ASH2L: variants seen among roughly 807,000 people sequenced by gnomAD.
ASH2L encodes the protein set1/Ash2 histone methyltransferase complex subunit ASH2.
ASH2L carries 30 observed loss-of-function variants against 81.1 expected under a neutral mutation model. That is an observed-to-expected ratio of 0.37 (90% CI 0.28 to 0.50). ASH2L has a LOEUF of 0.50. ASH2L is among the 20% of genes least tolerant of loss of function. The probability of loss-of-function intolerance (pLI) is 0.95; values close to 1 mark genes in which losing one functional copy is unlikely to be tolerated. For missense variants in ASH2L, 559 were observed against 792.1 expected (o/e 0.71, Z 3.53); for synonymous variants, 273 against 279.9 (o/e 0.98, Z 0.24).
Position 38,128,839 on chromosome 8 carries a change from T to C in ASH2L, c.1415T>C (p.Ile472Thr), listed in dbSNP as rs200471019. The C allele has an allele frequency of 6.2e-6, 10 of 1,614,200 alleles. No homozygotes were observed. Among genetic ancestry groups the C allele is most frequent in the Middle Eastern group, 1.6e-4 (1 of 6,062 alleles). The change falls in exon 12 of 16, where the codon ATT becomes ACT. Residue 472 changes from isoleucine to threonine, a missense_variant. Coordinates refer to ENST00000343823, the MANE Select transcript of ASH2L (RefSeq NM_004674.5). ...SKKGTKFHQS[I>T]GKHYSSGYGQ... ...AAGGGAACCAAGTTCCACCAGTCCA[T>C]TGGCAAACACTACTCTTCTGGCTAT...
At chr8:38,112,040 T>A (rs1810703701) in intron 5 of ASH2L, among the ~76,000 whole-genome samples, 1 of 152,188 alleles carries the variant, frequency 6.6e-6, no homozygotes, top group Non-Finnish European at 1.5e-5. Context: ...TGGGTTTTGC[T>A]CTATTACCCA....
chr8:38,109,383 C>T (rs1205507920), intron 3 of ASH2L, among the ~76,000 whole-genome samples: 1 of 151,774 alleles, frequency 6.6e-6, no homozygotes, highest in Non-Finnish European at 1.5e-5. Flanking sequence ...TAAATGCAGT[C>T]TTCTCTGAGG....
rs761478738 is a variant in ASH2L, at chr8:38,106,176, T to A, written c.189-202T>A. 3.9e-6 allele frequency: 6 copies of A among 1,526,742 alleles called. No homozygotes were observed. The Admixed American group carries it at 5.9e-5, about 15-fold the overall frequency. The allele number at this position is 1,526,742 out of a possible 1,614,324, so 94.6% of individuals were successfully genotyped here. ...TGTAAAGGCCGGTTAGGCTTCCCTG[T>A]GCTCCGTGGGTCCGCGACTGTCTGA... On this transcript the variant is annotated intron_variant, in intron 1 of 15. Coordinates refer to ENST00000343823, the MANE Select transcript of ASH2L (RefSeq NM_004674.5).
chr8:38,114,818 T>C, intron 6 of ASH2L, 87 bp from the exon 7 acceptor site: 1 of 852,492 alleles, frequency 1.2e-6, no homozygotes, highest in Non-Finnish European at 1.9e-6. Context: ...CACCTAGGAA[T>C]TGACTTTTAG....
intron 14 of ASH2L, 197 bp from the exon 15 acceptor site, chr8:38,138,617 ATC>A (rs1802363310): frequency 1.9e-6 from 1 of 529,106 alleles, no homozygotes; most frequent in Non-Finnish European, 3.3e-6. Flanking sequence ...ATCAACACAG[ATC>A]TCTTTTAGTT....
At chr8:38,137,119 G>A (rs995054298) in intron 14 of ASH2L, among the ~76,000 whole-genome samples, 6 of 151,094 alleles carry the variant, frequency 4.0e-5, no homozygotes, top group South Asian at 2.1e-4. Context: ...CGGGGGTGGC[G>A]CTGGGCACAG....
chr8:38,128,014 C>T (rs1350786809), intron 10 of ASH2L, among the ~76,000 whole-genome samples: 1 of 150,978 alleles, frequency 6.6e-6, no homozygotes, highest in Non-Finnish European at 1.5e-5. Context: ...CCACTGCCCT[C>T]CAGCCTGGGC....
At chr8:38,112,113 T>TCTC (rs1810708386) in intron 5 of ASH2L, among the ~76,000 whole-genome samples, 1 of 151,864 alleles carries the variant, frequency 6.6e-6, no homozygotes, top group Non-Finnish European at 1.5e-5. Context: ...TTCAAGCTAT[T>TCTC]CTCCCACCTC....
At chr8:38,107,282 T>A in intron 3 of ASH2L, 116 bp downstream of exon 3, 1 of 1,315,322 alleles carries the variant, frequency 7.6e-7, no homozygotes, top group Non-Finnish European at 1.1e-6. Context: ...TCCTAACCCC[T>A]ATTCAGCAAG....
In ASH2L at chr8:38,114,972, A is replaced by G; in HGVS notation, c.749A>G (p.Asp250Gly). 1 of 1,612,510 alleles carries G rather than the reference A, an allele frequency of 6.2e-7. No individual in the cohort carries two copies. The highest frequency in any genetic ancestry group is 1.3e-5 in the African/African-American group (1 of 74,994). The change falls in exon 7 of 16, where the codon GAT (aspartate) becomes GGT (glycine). Residue 250 changes from aspartate to glycine, a missense_variant. Around this residue, in one of 4 missense-constraint regions of ASH2L, gnomAD observed 318 missense variants for 527.0 expected, o/e 0.60. Coordinates refer to ENST00000343823, the MANE Select transcript of ASH2L (RefSeq NM_004674.5). ...CCAGGCAGTAAAGATCCAGAAGAAG[A>G]TTACCCCAAATTTGGACTTTTGGAT... The part of the protein sequence containing the change: ...PDPGSKDPEE[D>G]YPKFGLLDQD...
At chr8:38,108,043 T>A (rs902946485) in intron 3 of ASH2L, among the ~76,000 whole-genome samples, 1 of 152,072 alleles carries the variant, frequency 6.6e-6, no homozygotes, top group Non-Finnish European at 1.5e-5. Context: ...CAAGGGATCC[T>A]CCTGCCTCAC....
chr8:38,120,880 T>C, intron 9 of ASH2L, 52 bp from the exon 10 acceptor site: 1 of 1,490,480 alleles, frequency 6.7e-7, no homozygotes. Context: ...GTTGAATGCA[T>C]TTGAGCTAAA....
In ASH2L at chr8:38,119,353, A is replaced by C; in HGVS notation, c.937A>C (p.Lys313Gln). ...QDGGTTGTTK[K>Q]ARSDPLFSAQ... Reference sequence around the variant, plus strand: ...TGGAGGGACCACAGGGACCACCAAGAAGGCCCGGAGGTGGGGAGAGTGCCC... The same window carrying C: ...TGGAGGGACCACAGGGACCACCAAGCAGGCCCGGAGGTGGGGAGAGTGCCC... Residue 313 changes from lysine to glutamine, a missense_variant, in exon 9 of 16, where the codon AAG becomes CAG. Around this residue, in one of 4 missense-constraint regions of ASH2L, gnomAD observed 318 missense variants for 527.0 expected, o/e 0.60. Coordinates refer to ENST00000343823, the MANE Select transcript of ASH2L (RefSeq NM_004674.5). The C allele has an allele frequency of 1.3e-6, 2 of 1,544,364 alleles. No homozygotes were observed. The highest frequency in any genetic ancestry group is 1.7e-6 in the Non-Finnish European group (2 of 1,144,762).
At chr8:38,126,817 G>A (rs944455391) in intron 10 of ASH2L, among the ~76,000 whole-genome samples, 1 of 141,430 alleles carries the variant, frequency 7.1e-6, no homozygotes, top group Non-Finnish European at 1.5e-5. Flanking sequence ...TCGCGCCACT[G>A]CACTCCAGCC....
At chr8:38,126,988 A>C (rs1801875064) in intron 10 of ASH2L, among the ~76,000 whole-genome samples, 1 of 152,050 alleles carries the variant, frequency 6.6e-6, no homozygotes, top group Non-Finnish European at 1.5e-5. Flanking sequence ...CAGCCTGGGC[A>C]ACTTGTTCAA....
intron 10 of ASH2L, among the ~76,000 whole-genome samples, chr8:38,126,203 C>CAA (rs766575804): frequency 2.3e-5 from 3 of 128,232 alleles, no homozygotes; most frequent in African/African-American, 8.6e-5. Context: ...ACTCTATCTC[C>CAA]AAAAAAAAAA....
intron 5 of ASH2L, among the ~76,000 whole-genome samples, chr8:38,112,904 C>T (rs2130490066): frequency 6.6e-6 from 1 of 151,842 alleles, no homozygotes; most frequent in South Asian, 2.1e-4. Flanking sequence ...CTTTTTCTTC[C>T]CTTTTAAATA....
chr8:38,117,252 A>G (rs1810944319), intron 8 of ASH2L, among the ~76,000 whole-genome samples: 1 of 152,212 alleles, frequency 6.6e-6, no homozygotes, highest in Admixed American at 6.5e-5. Flanking sequence ...TGGCTGAGAG[A>G]TATTTAGCTG....
Position 38,110,402 on chromosome 8 carries a change from A to G in ASH2L, c.425A>G (p.Asn142Ser). Residue 142 changes from asparagine (N) to serine (S), a missense_variant, in exon 4 of 16, where the codon AAC becomes AGC. This residue lies in a region of ASH2L where 318 missense variants were observed against 527.0 expected (regional missense o/e 0.60). Transcript: ENST00000343823. ...DTSSCLPFMTNYSFHCNVCHH... is the reference protein window; with the variant it reads ...DTSSCLPFMTSYSFHCNVCHH... ...AGATCCTGTCTACCTTTCATGACCAACTACAGTTTTCATTGCAACGTCTGC... is the reference window on the plus strand; with the variant it reads ...AGATCCTGTCTACCTTTCATGACCAGCTACAGTTTTCATTGCAACGTCTGC... The G allele has an allele frequency of 6.2e-7, 1 of 1,614,202 alleles. No individual in the cohort carries two copies. The highest frequency in any genetic ancestry group is 1.1e-5 in the South Asian group (1 of 91,082).
Sources: allele counts gnomAD v4.1 joint callset (sites outside exome capture counted in the v4.1 genomes callset), GRCh38; gene constraint gnomAD v4.1.1; regional missense constraint gnomAD v4.1.1; transcripts MANE v1.5; gene names NCBI Gene and HGNC (gene_info 2026-07-23, HGNC 2026-07-21).